The following ZFHX3 variants were observed in gnomAD, a reference collection of about 807,000 sequenced individuals.
ZFHX3 encodes the protein zinc finger homeobox protein 3.
A neutral mutation model predicts 279.1 loss-of-function variants in ZFHX3; 42 were observed. The observed-to-expected ratio is 0.15, with a 90% CI of 0.12 to 0.19. The LOEUF (loss-of-function observed/expected upper bound fraction) is 0.19. Ranked by LOEUF, ZFHX3 falls within the 10% of genes least tolerant of loss-of-function variation. ZFHX3 has a pLI of 1.00. For synonymous variants in ZFHX3, 2,293 were observed against 1,957.8 expected (o/e 1.17, Z -4.52); for missense variants, 4,981 against 4,754.0 (o/e 1.05, Z -1.40).
intron 3 of ZFHX3, among the ~76,000 whole-genome samples, chr16:73,374,953 C>T (rs547145361): frequency 6.6e-6 from 1 of 152,294 alleles, no homozygotes; most frequent in East Asian, 1.9e-4. Flanking sequence ...GATTTCATTG[C>T]CTGCTTTGAT....
intron 2 of ZFHX3, among the ~76,000 whole-genome samples, chr16:73,661,869 T>C (rs983109124): frequency 1.3e-5 from 2 of 152,108 alleles, no homozygotes; most frequent in African/African-American, 4.8e-5. Context: ...TCCCAGATGA[T>C]TGTATATTAT....
Position 73,667,478 on chromosome 16 carries a change from A to G in ZFHX3, c.-1547+12702T>C, listed in dbSNP as rs1217067533. ...AAATGATACATATATGTTTCAGTTT[A>G]TTTTTAAGAACTACTAAACTGTTTT... On this transcript the variant is annotated intron_variant, in intron 2 of 17. Transcript: ENST00000641206. 2.6e-5 allele frequency among the ~76,000 whole-genome samples: 4 copies of G among 152,310 alleles called. No individual in the cohort carries two copies. The South Asian group carries it at 6.2e-4, about 24-fold the overall frequency.
intron 1 of ZFHX3, among the ~76,000 whole-genome samples, chr16:73,795,570 T>C (rs1959965876): frequency 6.6e-6 from 1 of 152,130 alleles, no homozygotes; most frequent in Admixed American, 6.5e-5. Context: ...ATAGAGAACC[T>C]TTCTATCTCA....
intron 2 of ZFHX3, among the ~76,000 whole-genome samples, chr16:73,508,014 G>A (rs1184631679): frequency 6.6e-6 from 1 of 152,186 alleles, no homozygotes; most frequent in Non-Finnish European, 1.5e-5. Flanking sequence ...AAATGCTTAA[G>A]ATTGATACAC....
chr16:73,238,741 C>T (rs867125816), intron 5 of ZFHX3, among the ~76,000 whole-genome samples: 12 of 152,236 alleles, frequency 7.9e-5, no homozygotes, highest in Middle Eastern at 6.8e-3. Context: ...CCCTCGCCTG[C>T]TCTCTTCTAA....
chr16:73,565,805 T>C (rs1048676742), intron 2 of ZFHX3, among the ~76,000 whole-genome samples: 3 of 152,248 alleles, frequency 2.0e-5, no homozygotes, highest in African/African-American at 7.2e-5. Context: ...TAGGGAGTTC[T>C]GAATGCACCG....
chr16:73,813,212 T>A (rs999102508), intron 1 of ZFHX3, among the ~76,000 whole-genome samples: 1 of 146,062 alleles, frequency 6.8e-6, no homozygotes, highest in East Asian at 2.0e-4. Flanking sequence ...AACTGTATCA[T>A]CCCTACCTCT....
At chr16:73,472,446 C>T (rs1419311678) in intron 2 of ZFHX3, among the ~76,000 whole-genome samples, 2 of 152,126 alleles carry the variant, frequency 1.3e-5, no homozygotes, top group Non-Finnish European at 2.9e-5. Flanking sequence ...GCTTCAAGTT[C>T]ACTGCCAAAA....
At chr16:73,477,329 G>T (rs1397415997) in intron 2 of ZFHX3, among the ~76,000 whole-genome samples, 1 of 152,174 alleles carries the variant, frequency 6.6e-6, no homozygotes, top group African/African-American at 2.4e-5. Context: ...ATTGGCTTTC[G>T]TGAGTAAGGA....
intron 5 of ZFHX3, among the ~76,000 whole-genome samples, chr16:73,242,706 C>A (rs1041473488): frequency 2.0e-5 from 3 of 152,214 alleles, no homozygotes; most frequent in African/African-American, 7.2e-5. Context: ...TATAACTGAT[C>A]ATGCAATAAC....
chr16:73,820,094 A>C (rs1012664096), intron 1 of ZFHX3, among the ~76,000 whole-genome samples: 1 of 151,978 alleles, frequency 6.6e-6, no homozygotes, highest in African/African-American at 2.4e-5. Flanking sequence ...TACTGGGAGT[A>C]AGTCTTTTTT....
upstream of ZFHX3, among the ~76,000 whole-genome samples, chr16:73,052,069 G>C (rs986876266): frequency 6.6e-6 from 1 of 152,092 alleles, no homozygotes; most frequent in Non-Finnish European, 1.5e-5. Flanking sequence ...CATTCCCACC[G>C]TCTGACACAT....
intron 4 of ZFHX3, among the ~76,000 whole-genome samples, chr16:73,312,895 C>T (rs907159576): frequency 1.3e-5 from 2 of 152,164 alleles, no homozygotes; most frequent in East Asian, 1.9e-4. Flanking sequence ...AAATGCTATG[C>T]CTCTATCCTC....
At chr16:73,543,476 C>G (rs1288314615) in intron 2 of ZFHX3, among the ~76,000 whole-genome samples, 1 of 152,100 alleles carries the variant, frequency 6.6e-6, no homozygotes, top group African/African-American at 2.4e-5. Flanking sequence ...GAGGCACCGG[C>G]AGGGCCTGGC....
rs541444908 is a variant in ZFHX3 at position 73,434,170 on chromosome 16, G to A, written c.-1291+21833C>T. On this transcript the variant is annotated intron_variant, in intron 3 of 17. Coordinates refer to the ZFHX3 transcript ENST00000641206. Reference sequence around the variant, plus strand: ...CTATTTGCTGATCGATCTTGGACTCGAAAGTTGACAAAATGCAGGGTCCCT... The same window carrying A: ...CTATTTGCTGATCGATCTTGGACTCAAAAGTTGACAAAATGCAGGGTCCCT... Among the ~76,000 whole-genome samples, 8 of 152,248 alleles carry A rather than the reference G, an allele frequency of 5.3e-5. No individual in the cohort carries two copies. In the East Asian group the frequency reaches 9.6e-4, roughly 18 times the overall value.
At chr16:73,142,121 A>C (rs1292368270) in intron 6 of ZFHX3, among the ~76,000 whole-genome samples, 4 of 152,160 alleles carry the variant, frequency 2.6e-5, no homozygotes, top group African/African-American at 9.7e-5. Context: ...TGTTTCTTAA[A>C]TGTTCCCATT....
intron 8 of ZFHX3, among the ~76,000 whole-genome samples, chr16:73,084,692 T>C (rs1965989643): frequency 6.6e-6 from 1 of 152,026 alleles, no homozygotes; most frequent in South Asian, 2.1e-4. Context: ...TAATTTTGTT[T>C]TGTATTTTTA....
chr16:72,784,345 G>C lies in ZFHX3; in HGVS notation c.*2819C>G, dbSNP rs1484061506. The C allele has an allele frequency of 6.6e-6, 1 of 151,896 alleles. No individual in the cohort carries two copies. Among genetic ancestry groups the C allele is most frequent in the African/African-American group, 2.4e-5 (1 of 41,260 alleles). The allele number at this position is 151,896 out of a possible 1,614,324, so 9.4% of individuals were successfully genotyped here. On this transcript the variant is annotated 3_prime_UTR_variant, in exon 10 of 10. Transcript: ENST00000268489. ...AAAGAACTTAAAAGTTGAGGGGGGAGGGAAAAGGATAGAAATTGCACTATT... is the reference window on the plus strand; with the variant it reads ...AAAGAACTTAAAAGTTGAGGGGGGACGGAAAAGGATAGAAATTGCACTATT...
chr16:73,735,119 G>A (rs186875706), intron 1 of ZFHX3, among the ~76,000 whole-genome samples: 2 of 151,872 alleles, frequency 1.3e-5, no homozygotes, highest in East Asian at 3.9e-4. Context: ...TAAGCACATC[G>A]GCATGGTTGT....
Sources: gnomAD v4.1 joint callset for allele counts (sites outside exome capture counted in the v4.1 genomes callset) on GRCh38, gnomAD v4.1.1 for gene constraint, MANE v1.5 for transcripts, NCBI Gene and HGNC (gene_info 2026-07-23, HGNC 2026-07-21) for gene names.